Variants in ANKAR observed in about 807,000 individuals in gnomAD.
The protein encoded by ANKAR is ankyrin and armadillo repeat containing.
In ANKAR, 136 loss-of-function variants were observed where a neutral mutation model predicts 146.2. That is an observed-to-expected ratio of 0.93 (90% confidence interval 0.81 to 1.07). The LOEUF (loss-of-function observed/expected upper bound fraction) is 1.07, where lower values mean the gene tolerates loss of function less well. Ranked by LOEUF, ANKAR falls within the 50% of genes least tolerant of loss-of-function variation. The pLI is 0.00. For synonymous variants in ANKAR, 500 were observed against 575.8 expected (o/e 0.87, Z 1.88); for missense variants, 1,567 against 1,679.9 (o/e 0.93, Z 1.18).
In ANKAR at chr2:189,676,154, A is replaced by C. The variant is rs762026067; in HGVS notation, c.-35-302A>C. 5.8e-5 allele frequency: 13 copies of C among 223,712 alleles called. No homozygotes were observed. The East Asian group carries it at 9.3e-4, about 16-fold the overall frequency. The allele number at this position is 223,712 out of a possible 1,614,324, so 13.9% of individuals were successfully genotyped here. A position where few individuals can be genotyped will look rare whatever the true frequency, so the allele number is the denominator to read the frequency against. ...AAGAATGCCTCTCCAACAACAAAAT[A>C]GGTATGTAACAGTAGCTTCTCACAG... On this transcript the variant is annotated intron_variant, in intron 1 of 22. Transcript: ENST00000684021.
At chr2:189,759,479 T>C (rs952752230) in intron 18 of ANKAR, among the ~76,000 whole-genome samples, 3 of 152,178 alleles carry the variant, frequency 2.0e-5, no homozygotes, top group Non-Finnish European at 2.9e-5. Flanking sequence ...CTCAATCTCC[T>C]GACCTCATGG....
chr2:189,761,527 T>C, downstream of ANKAR: 1 of 1,612,784 alleles, frequency 6.2e-7, no homozygotes, highest in African/African-American at 1.3e-5. Context: ...TTCCCAATAC[T>C]ATTTTATGAA....
At chr2:189,745,145 C>T (rs1425623621) in intron 22 of ANKAR, among the ~76,000 whole-genome samples, 8 of 151,866 alleles carry the variant, frequency 5.3e-5, no homozygotes, top group Non-Finnish European at 7.4e-5. Context: ...CAGCTGAGAT[C>T]GCACCACTGC....
In ANKAR at chr2:189,759,767, T is replaced by A. The variant is rs567278247; in HGVS notation, c.*585-1331T>A. Among the ~76,000 whole-genome samples, 39 of 150,884 alleles carry A rather than the reference T, an allele frequency of 2.6e-4. 1 individual carries two copies. The highest frequency in any genetic ancestry group is 2.1e-3 in the East Asian group (11 of 5,138). ...TTCTTATTTATTTATTTATTTATTT[T>A]TTTAGTATTTATTGATCATTCTTGG... On this transcript the variant is annotated intron_variant and NMD_transcript_variant, in intron 18 of 18. Coordinates refer to the ANKAR transcript ENST00000441800.
intron 8 of ANKAR, among the ~76,000 whole-genome samples, chr2:189,705,559 T>G (rs1219733168): frequency 6.6e-6 from 1 of 152,186 alleles, no homozygotes; most frequent in Non-Finnish European, 1.5e-5. Flanking sequence ...GCAGATTAAC[T>G]TTTCATGTTA....
chr2:189,701,537 G>A (rs1378904792), intron 7 of ANKAR, among the ~76,000 whole-genome samples: 2 of 152,156 alleles, frequency 1.3e-5, no homozygotes, highest in Non-Finnish European at 2.9e-5. Context: ...GCCTTGGCCT[G>A]GAGGTTTCTA....
intron 7 of ANKAR, among the ~76,000 whole-genome samples, chr2:189,700,336 T>C (rs189568221): frequency 3.0e-4 from 46 of 152,328 alleles, no homozygotes; most frequent in Admixed American, 2.5e-3. Flanking sequence ...ATAATTCTTA[T>C]TTTTGCTTCT....
intron 5 of ANKAR, among the ~76,000 whole-genome samples, chr2:189,693,968 C>G (rs1021176133): frequency 6.6e-6 from 1 of 152,046 alleles, no homozygotes; most frequent in Non-Finnish European, 1.5e-5. Flanking sequence ...AGGCTGGTCT[C>G]GAACTCCTGA....
chr2:189,744,695 G>A (rs774497145), intron 21 of ANKAR, 47 bp from the exon 22 acceptor site: 4 of 1,370,884 alleles, frequency 2.9e-6, no homozygotes, highest in South Asian at 1.2e-5. Flanking sequence ...TTTTCTGGGT[G>A]CATTATGTCT....
intron 1 of ANKAR, among the ~76,000 whole-genome samples, chr2:189,675,374 T>TC (rs2033392001): frequency 2.0e-5 from 3 of 152,190 alleles, no homozygotes; most frequent in Middle Eastern, 6.8e-3. Context: ...CTTTTCTTTT[T>TC]CTTTTTTTTT....
intron 18 of ANKAR, chr2:189,754,281 A>G: frequency 1.9e-6 from 3 of 1,613,826 alleles, no homozygotes; most frequent in Non-Finnish European, 2.5e-6. Context: ...CAAATGTTCT[A>G]TGGCTTTCCC....
At chr2:189,685,245 T>C (rs2035387492) in intron 2 of ANKAR, among the ~76,000 whole-genome samples, 1 of 152,048 alleles carries the variant, frequency 6.6e-6, no homozygotes, top group South Asian at 2.1e-4. Flanking sequence ...ACTTTCTTTT[T>C]CTTTTTTTTT....
At chr2:189,762,288 C>G (rs2047197416), downstream of ANKAR, among the ~76,000 whole-genome samples, 1 of 152,154 alleles carries the variant, frequency 6.6e-6, no homozygotes, top group African/African-American at 2.4e-5. Context: ...CTAAAGCACA[C>G]TAGTATTTTC....
At position 189,696,434 on chromosome 2, in the gene ANKAR, G is replaced by A; in HGVS notation, c.1708+65G>A. On this transcript the variant is annotated intron_variant, in intron 7 of 22. Coordinates refer to ENST00000684021, the MANE Select transcript of ANKAR (RefSeq NM_001378068.1). ...TTTACCCTTACTCAGCATTAGGAAT[G>A]CACGTTGATTTTAGAGCAGGTTAAA... 3 of 1,477,836 alleles carry A rather than the reference G, an allele frequency of 2.0e-6. No homozygotes were observed. The South Asian group carries it at 3.9e-5, about 19-fold the overall frequency. The allele number at this position is 1,477,836 out of a possible 1,614,324, so 91.5% of individuals were successfully genotyped here.
intron 18 of ANKAR, among the ~76,000 whole-genome samples, chr2:189,759,738 TTTATTC>T (rs1294713979): frequency 7.0e-6 from 1 of 143,880 alleles, no homozygotes; most frequent in African/African-American, 2.7e-5. Flanking sequence ...TGTAGAGTAT[TTTATTC>T]TTATTTATTT....
chr2:189,752,045 G>A (rs921282533), intron 18 of ANKAR, among the ~76,000 whole-genome samples: 5 of 151,892 alleles, frequency 3.3e-5, no homozygotes, highest in South Asian at 2.1e-4. Flanking sequence ...TCAGGAGGCT[G>A]AGGCATGACA....
At chr2:189,713,511 C>G (rs1330551928) in intron 10 of ANKAR, among the ~76,000 whole-genome samples, 1 of 152,098 alleles carries the variant, frequency 6.6e-6, no homozygotes, top group East Asian at 1.9e-4. Flanking sequence ...TCCAGCCAAA[C>G]TAAGCTTCAT....
In ANKAR at chr2:189,719,603, A is replaced by G. The variant is rs1304605189; in HGVS notation, c.2256A>G (p.Lys752=). The change falls in exon 11 of 23, where the codon AAA becomes AAG. Residue 752 remains lysine, a synonymous_variant. Transcript: ENST00000684021. ...GTIPALINLL[K]SSKIKLQCKT... ...TTCCTGCCTTAATCAATCTATTAAA[A>G]AGTTCCAAAATAAAACTGCAGTGCA... The G allele has an allele frequency of 3.7e-6, 6 of 1,612,876 alleles. No homozygotes were observed. The highest frequency in any genetic ancestry group is 1.3e-5 in the African/African-American group (1 of 74,908).
At position 189,689,544 on chromosome 2, in the gene ANKAR, A is replaced by G. The variant is rs2036110191; in HGVS notation, c.619A>G (p.Lys207Glu). The G allele has an allele frequency of 6.3e-7, 1 of 1,578,862 alleles. No homozygotes were observed. The highest frequency in any genetic ancestry group is 8.6e-7 in the Non-Finnish European group (1 of 1,166,494). Reference protein sequence around the residue: ...FSSAGLTDITKDPDFNEIYDE... With the variant: ...FSSAGLTDITEDPDFNEIYDE... Reference sequence around the variant, plus strand: ...TCATGAAGGTTTGACTGATATTACAAAGGATCCAGACTTTAATGAAATCTA... The same window carrying G: ...TCATGAAGGTTTGACTGATATTACAGAGGATCCAGACTTTAATGAAATCTA... Residue 207 changes from lysine (K) to glutamate (E), a missense_variant, in exon 3 of 23, where the codon AAG (lysine) becomes GAG (glutamate). By Grantham distance (56) the Lys-to-Glu change is moderately conservative. Coordinates refer to ENST00000684021, the MANE Select transcript of ANKAR (RefSeq NM_001378068.1).
Sources: gnomAD v4.1 joint callset for allele counts (sites outside exome capture counted in the v4.1 genomes callset) on GRCh38, gnomAD v4.1.1 for gene constraint, MANE v1.5 for transcripts, NCBI Gene and HGNC (gene_info 2026-07-23, HGNC 2026-07-21) for gene names.